CREB3: variants seen among roughly 807,000 people sequenced by gnomAD.
CREB3 encodes cyclic AMP-responsive element-binding protein 3.
CREB3 carries 29 observed loss-of-function variants against 34.5 expected under a neutral mutation model. The ratio of observed to expected loss-of-function variants is 0.84; its 90% CI spans 0.63 to 1.15. The LOEUF (loss-of-function observed/expected upper bound fraction) is 1.15. Among genes scored for constraint, CREB3 ranks in the 50% most tolerant of loss-of-function variants. The probability of loss-of-function intolerance (pLI) is 0.00; values close to 1 mark genes in which losing one functional copy is unlikely to be tolerated. For synonymous variants in CREB3, 187 were observed against 173.9 expected (o/e 1.08, Z -0.59); for missense variants, 447 against 443.4 (o/e 1.01, Z -0.07).
rs1329743420 is a variant in CREB3 at position 35,736,740 on chromosome 9, TGGGGGGTCTCAGCAGGAGCCTG to T, written c.*20_*41del. The T allele has an allele frequency of 1.9e-6, 3 of 1,589,798 alleles. No homozygotes were observed. Among genetic ancestry groups the T allele is most frequent in the Non-Finnish European group, 2.6e-6 (3 of 1,170,242 alleles). On this transcript the variant is annotated 3_prime_UTR_variant, in exon 9 of 9. Coordinates refer to ENST00000353704, the MANE Select transcript of CREB3 (RefSeq NM_006368.5). ...TACTCAGGCTAGATATGAGGATATG[TGGGGGGTCTCAGCAGGAGCCTG>T]GGGGGCTCCCCATCTGTGTCCAAAT...
Position 35,736,354 on chromosome 9 carries a change from G to A in CREB3, c.782-38G>A, listed in dbSNP as rs1563952549. On this transcript the variant is annotated intron_variant, in intron 8 of 8. Transcript: ENST00000353704. ...AGCTCTCAGACAGGGCAAGGGGAGAGGTCTGGGTTGGCCTCTGAAGATTCT... is the reference window on the plus strand; with the variant it reads ...AGCTCTCAGACAGGGCAAGGGGAGAAGTCTGGGTTGGCCTCTGAAGATTCT... The A allele has an allele frequency of 3.1e-6, 5 of 1,613,366 alleles. No individual in the cohort carries two copies. In the South Asian group the frequency reaches 5.5e-5, roughly 18 times the overall value.
At chr9:35,735,405 A>G (rs757007586) in intron 6 of CREB3, 31 bp downstream of exon 6, 4 of 1,575,136 alleles carry the variant, frequency 2.5e-6, no homozygotes, top group South Asian at 1.1e-5. Flanking sequence ...TTCCCTTCCT[A>G]TGCCCCTCAT....
At position 35,736,783 on chromosome 9, in the gene CREB3, C is replaced by T; in HGVS notation, c.*57C>T. The stretch of plus-strand genomic sequence containing the variant: ...GCCTGGGGGGCTCCCCATCTGTGTC[C>T]AAATAAAAAGCGGTGGGCAAGGGCT... On this transcript the variant is annotated 3_prime_UTR_variant, in exon 9 of 9. Coordinates refer to ENST00000353704, the MANE Select transcript of CREB3 (RefSeq NM_006368.5). The T allele has an allele frequency of 6.7e-7, 1 of 1,497,794 alleles. No homozygotes were observed. Among genetic ancestry groups the T allele is most frequent in the Non-Finnish European group, 9.0e-7 (1 of 1,109,194 alleles). The allele number at this position is 1,497,794 out of a possible 1,614,324, so 92.8% of individuals were successfully genotyped here. A position where few individuals can be genotyped will look rare whatever the true frequency, so the allele number is the denominator to read the frequency against.
chr9:35,732,937 G>C lies in CREB3; in HGVS notation c.129+36G>C. ...GTTCTGACTGGGGAAAGCGTGGGATGTCCATGAAGTCAGGTGATGGTGATA... is the reference window on the plus strand; with the variant it reads ...GTTCTGACTGGGGAAAGCGTGGGATCTCCATGAAGTCAGGTGATGGTGATA... On this transcript the variant is annotated intron_variant, in intron 1 of 8. Transcript: ENST00000353704. The surrounding 1 kb of genome is among the most constrained non-coding windows in gnomAD (Gnocchi z 5.1). The C allele has an allele frequency of 1.2e-6, 2 of 1,612,800 alleles. No individual in the cohort carries two copies. The highest frequency in any genetic ancestry group is 2.2e-5 in the East Asian group (1 of 44,860).
Position 35,733,197 on chromosome 9 carries a change from A to G in CREB3, c.278-18A>G, listed in dbSNP as rs1826124118. On this transcript the variant is annotated intron_variant, in intron 2 of 8. Transcript: ENST00000353704. ...ACAGGGTTCATGGGCCTGGCTATTCATACTTTCCCTTTTGCAGAGAGTGAG... is the reference window on the plus strand; with the variant it reads ...ACAGGGTTCATGGGCCTGGCTATTCGTACTTTCCCTTTTGCAGAGAGTGAG... 1 of 1,614,194 alleles carries G rather than the reference A, an allele frequency of 6.2e-7. No individual in the cohort carries two copies. Among genetic ancestry groups the G allele is most frequent in the African/African-American group, 1.3e-5 (1 of 75,044 alleles).
intron 4 of CREB3, 78 bp from the exon 5 acceptor site, chr9:35,735,031 A>G (rs1038149843): frequency 5.1e-5 from 61 of 1,190,324 alleles, no homozygotes; most frequent in Non-Finnish European, 5.5e-5. Context: ...TGTATTGGAA[A>G]GAGATTGATC....
chr9:35,734,876 A>G (rs1029989089), intron 4 of CREB3, among the ~76,000 whole-genome samples: 3 of 152,036 alleles, frequency 2.0e-5, no homozygotes, highest in African/African-American at 7.3e-5. Context: ...TACAGGCATG[A>G]GCCACGTCGC....
intron 4 of CREB3, among the ~76,000 whole-genome samples, chr9:35,733,721 A>G (rs1587996610): frequency 6.6e-6 from 1 of 152,336 alleles, no homozygotes; most frequent in African/African-American, 2.4e-5. Context: ...ACTCAAAATT[A>G]TCAGTGCAAC....
chr9:35,732,694 G>A lies in CREB3; in HGVS notation c.-79G>A. ...GAGGGACAGTGGATAGGTGCCCGAG[G>A]CCTACAGCTGGCCTGGGGCTCGTGT... On this transcript the variant is annotated 5_prime_UTR_variant, in exon 1 of 9. Coordinates refer to ENST00000353704, the MANE Select transcript of CREB3 (RefSeq NM_006368.5). This position sits in a 1 kb window ranked among gnomAD's most constrained non-coding sequence, Gnocchi z 5.1. 1 of 1,541,336 alleles carries A rather than the reference G, an allele frequency of 6.5e-7. No individual in the cohort carries two copies. The highest frequency in any genetic ancestry group is 8.7e-7 in the Non-Finnish European group (1 of 1,143,998).
chr9:35,736,657 C>T lies in CREB3; in HGVS notation c.1047C>T (p.Leu349=). ...RGPILPLQAN[L]TRKGGWLPTG... ...CCATCCTCCCCCTGCAGGCAAATCT[C>T]ACAAGGAAGGGAGGATGGCTTCCTA... The change falls in exon 9 of 9, where the codon CTC becomes CTT. Residue 349 remains leucine, a synonymous_variant. Transcript: ENST00000353704. 1.9e-6 allele frequency: 3 copies of T among 1,613,534 alleles called. No individual in the cohort carries two copies. The highest frequency in any genetic ancestry group is 2.5e-6 in the Non-Finnish European group (3 of 1,180,032).
chr9:35,732,875 C>T lies in CREB3; in HGVS notation c.103C>T (p.Leu35=). ...TAPDEAVRAP[L]DWALPLSEVP... ...ACCCGATGAGGCCGTGAGGGCCCCA[C>T]TGGACTGGGCGCTGCCGCTTTCTGA... Residue 35 remains leucine, a synonymous_variant, in exon 1 of 9, where the codon CTG becomes TTG. Transcript: ENST00000353704. The surrounding 1 kb of genome is among the most constrained non-coding windows in gnomAD (Gnocchi z 5.1). 1 of 1,614,080 alleles carries T rather than the reference C, an allele frequency of 6.2e-7. No homozygotes were observed. Among genetic ancestry groups the T allele is most frequent in the Middle Eastern group, 1.6e-4 (1 of 6,062 alleles).
chr9:35,733,577 A>G (rs1474765344), intron 4 of CREB3, 92 bp downstream of exon 4: 1 of 876,040 alleles, frequency 1.1e-6, no homozygotes. Flanking sequence ...AACTTTAAAA[A>G]AGGATTGAGG....
At position 35,736,469 on chromosome 9, in the gene CREB3, C is replaced by T. The variant is rs780444028; in HGVS notation, c.859C>T (p.Pro287Ser). 4.3e-6 allele frequency: 7 copies of T among 1,614,018 alleles called. No homozygotes were observed. The Admixed American group carries it at 5.0e-5, about 12-fold the overall frequency. Residue 287 changes from proline (P) to serine (S), a missense_variant, in exon 9 of 9, where the codon CCG becomes TCG. Physicochemically the swap from Pro to Ser is moderately conservative, Grantham distance 74. Transcript: ENST00000353704. ...GCTGCCTGCCCTGCAGTCAGAAGTG[C>T]CGAAAGACAGCACACACCAGTGGTT... ...LELPALQSEV[P>S]KDSTHQWLDG...
intron 4 of CREB3, among the ~76,000 whole-genome samples, chr9:35,734,669 C>T (rs1281494051): frequency 6.6e-6 from 1 of 152,236 alleles, no homozygotes; most frequent in Non-Finnish European, 1.5e-5. Flanking sequence ...TCATGGCTCA[C>T]TACAGCTTCA....
Position 35,735,141 on chromosome 9 carries a change from G to T in CREB3, c.468G>T (p.Arg156Ser), listed in dbSNP as rs764406338. 1.1e-5 allele frequency: 18 copies of T among 1,603,482 alleles called. No homozygotes were observed. The highest frequency in any genetic ancestry group is 3.3e-4 in the Middle Eastern group (2 of 6,020). Residue 156 changes from arginine to serine, a missense_variant, in exon 5 of 9, where the codon AGG becomes AGT. By Grantham distance (110) the Arg-to-Ser change is moderately radical. Coordinates refer to ENST00000353704, the MANE Select transcript of CREB3 (RefSeq NM_006368.5). ...AACAAATTCTGAAACGTGTGCGGAG[G>T]AAGATTCGAAATAAAAGATCTGCTC... The part of the protein sequence containing the change: ...TEEQILKRVR[R>S]KIRNKRSAQE...
In CREB3 at chr9:35,733,116, C is replaced by T. The variant is rs1826122234; in HGVS notation, c.250C>T (p.Pro84Ser). The T allele has an allele frequency of 1.2e-6, 2 of 1,614,086 alleles. No homozygotes were observed. The highest frequency in any genetic ancestry group is 1.7e-6 in the Non-Finnish European group (2 of 1,180,044). Residue 84 changes from proline (P) to serine (S), a missense_variant, in exon 2 of 9, where the codon CCA (proline) becomes TCA (serine). Transcript: ENST00000353704. ...CCACCATGACCACACCTACTCCCTC[C>T]CACGGGAAACTGTCTCTATGGATCT... ...LVHHDHTYSLPRETVSMDLES... is the reference protein window; with the variant it reads ...LVHHDHTYSLSRETVSMDLES...
chr9:35,736,552 C>T lies in CREB3; in HGVS notation c.942C>T (p.Tyr314=). ...APGNTSCLLH[Y]MPQAPSAEPP... ...GCAACACTTCCTGCCTGCTGCATTA[C>T]ATGCCTCAGGCTCCCAGTGCAGAGC... Residue 314 remains tyrosine (Y), a synonymous_variant, in exon 9 of 9, where the codon TAC becomes TAT. Coordinates refer to ENST00000353704, the MANE Select transcript of CREB3 (RefSeq NM_006368.5). 3 of 1,614,206 alleles carry T rather than the reference C, an allele frequency of 1.9e-6. No individual in the cohort carries two copies. The highest frequency in any genetic ancestry group is 2.5e-6 in the Non-Finnish European group (3 of 1,180,036).
In CREB3 at chr9:35,736,498, C is replaced by T. The variant is rs770372549; in HGVS notation, c.888C>T (p.Asp296=). 1.0e-4 allele frequency: 163 copies of T among 1,614,060 alleles called. No homozygotes were observed. The highest frequency in any genetic ancestry group is 1.3e-4 in the Non-Finnish European group (153 of 1,180,040). Residue 296 remains aspartate, a synonymous_variant, in exon 9 of 9, where the codon GAC becomes GAT. Coordinates refer to ENST00000353704, the MANE Select transcript of CREB3 (RefSeq NM_006368.5). ...AAGACAGCACACACCAGTGGTTGGA[C>T]GGCTCAGACTGTGTACTCCAGGCCC... ...VPKDSTHQWL[D]GSDCVLQAPG...
At position 35,736,285 on chromosome 9, in the gene CREB3, G is replaced by C. The variant is rs1179532946; in HGVS notation, c.755G>C (p.Arg252Thr). The part of the protein sequence containing the change: ...LVPAMYSSDT[R>T]GSLPAEHGVL... ...CCTGCTATGTACTCCTCTGACACAA[G>C]GGGGAGCCTGCCAGCTGAGCATGGA... Residue 252 changes from arginine to threonine, a missense_variant, in exon 8 of 9, where the codon AGG becomes ACG. Transcript: ENST00000353704. 6.2e-7 allele frequency: 1 copy of C among 1,614,046 alleles called. No homozygotes were observed. Among genetic ancestry groups the C allele is most frequent in the Non-Finnish European group, 8.5e-7 (1 of 1,179,968 alleles).
Sources: allele counts gnomAD v4.1 joint callset (sites outside exome capture counted in the v4.1 genomes callset), GRCh38; gene constraint gnomAD v4.1.1; non-coding constraint Gnocchi (gnomAD v3.1); transcripts MANE v1.5; gene names NCBI Gene and HGNC (gene_info 2026-07-23, HGNC 2026-07-21).